USP12: variants seen among roughly 807,000 people sequenced by gnomAD.
USP12 encodes ubiquitin carboxyl-terminal hydrolase 12.
A neutral mutation model predicts 45.5 loss-of-function variants in USP12; 19 were observed. The ratio of observed to expected loss-of-function variants is 0.42; its 90% CI spans 0.29 to 0.61. USP12 has a LOEUF of 0.61. Among genes scored for constraint, USP12 ranks in the 20% least tolerant of loss-of-function variants. The pLI is 0.22. For synonymous variants in USP12, 149 were observed against 148.8 expected (o/e 1.00, Z -0.01); for missense variants, 242 against 447.7 (o/e 0.54, Z 4.15).
chr13:27,116,294 A>G (rs1211141290), intron 2 of USP12, among the ~76,000 whole-genome samples: 2 of 146,132 alleles, frequency 1.4e-5, no homozygotes, highest in African/African-American at 2.6e-5. Context: ...CCTGGGCGAC[A>G]GAGCAAGACG....
chr13:27,155,769 T>C (rs1371732280), intron 1 of USP12, among the ~76,000 whole-genome samples: 1 of 152,238 alleles, frequency 6.6e-6, no homozygotes, highest in Non-Finnish European at 1.5e-5. Flanking sequence ...TAGAACTTCA[T>C]GTGCTCATTC....
At chr13:27,151,236 C>A (rs1367454530) in intron 1 of USP12, among the ~76,000 whole-genome samples, 1 of 151,868 alleles carries the variant, frequency 6.6e-6, no homozygotes, top group East Asian at 1.9e-4. Flanking sequence ...GAGTCTGAGG[C>A]ACAAGAATCA....
chr13:27,161,870 AG>A (rs1878122233), intron 1 of USP12, among the ~76,000 whole-genome samples: 1 of 148,118 alleles, frequency 6.8e-6, no homozygotes, highest in Non-Finnish European at 1.5e-5. Context: ...CAACAGAGCA[AG>A]GCTCTGTCTC....
rs2137797604 is a variant in USP12 at position 27,116,553 on chromosome 13, T to C, written c.92A>G (p.Gln31Arg). 6.2e-7 allele frequency: 1 copy of C among 1,613,268 alleles called. No homozygotes were observed. Among genetic ancestry groups the C allele is most frequent in the Non-Finnish European group, 8.5e-7 (1 of 1,179,900 alleles). Residue 31 changes from glutamine to arginine, a missense_variant, in exon 2 of 9, where the codon CAG becomes CGG. Gln to Arg is a conservative substitution (Grantham distance 43). Coordinates refer to ENST00000282344, the MANE Select transcript of USP12 (RefSeq NM_182488.4). ...AAAATAGTGCTCATTGACCGGAAAC[T>C]GTTCTGGACCAATCTCTTTCTCTAA... ...SALEKEIGPE[Q>R]FPVNEHYFGL...
intron 1 of USP12, among the ~76,000 whole-genome samples, chr13:27,157,882 T>C (rs993977348): frequency 6.6e-6 from 1 of 152,184 alleles, no homozygotes; most frequent in African/African-American, 2.4e-5. Flanking sequence ...TACATTATTA[T>C]ACACAAAGCT....
chr13:27,149,188 A>G (rs1401830574), intron 1 of USP12, among the ~76,000 whole-genome samples: 1 of 152,124 alleles, frequency 6.6e-6, no homozygotes, highest in Non-Finnish European at 1.5e-5. Flanking sequence ...GTCTTAACAA[A>G]AGAAAAGATT....
intron 1 of USP12, chr13:27,169,997 C>A: frequency 4.2e-6 from 1 of 238,026 alleles, no homozygotes; most frequent in Non-Finnish European, 8.0e-6. Context: ...AGCCATGTGG[C>A]AAAATTGTCA....
chr13:27,111,391 A>G (rs1163043794), intron 2 of USP12, among the ~76,000 whole-genome samples: 1 of 152,198 alleles, frequency 6.6e-6, no homozygotes, highest in Admixed American at 6.5e-5. Flanking sequence ...TCAATTTCTT[A>G]AAAAACAAAA....
chr13:27,142,489 G>C (rs1877109277), intron 1 of USP12, among the ~76,000 whole-genome samples: 1 of 152,164 alleles, frequency 6.6e-6, no homozygotes, highest in African/African-American at 2.4e-5. Flanking sequence ...TTATGAAAGA[G>C]AATGTCCCTG....
At chr13:27,072,268 G>T (rs1873279209) in intron 7 of USP12, among the ~76,000 whole-genome samples, 1 of 152,020 alleles carries the variant, frequency 6.6e-6, no homozygotes, top group South Asian at 2.1e-4. Flanking sequence ...GTGAAATAAA[G>T]AAAAATCAAA....
rs189897259 is a variant in USP12 at position 27,158,163 on chromosome 13, G to C, written c.48+13429C>G. The stretch of plus-strand genomic sequence containing the variant: ...AGTCATTAGGGTGGACCCTAATCCA[G>C]TGTGACTGGTGTCTGTGTAGAAAGG... On this transcript the variant is annotated intron_variant, in intron 1 of 8. Transcript: ENST00000282344. 1.5e-3 allele frequency among the ~76,000 whole-genome samples: 230 copies of C among 152,284 alleles called. 2 individuals are homozygous for C. In the East Asian group the frequency reaches 0.026, roughly 17 times the overall value.
intron 2 of USP12, 50 bp from the exon 3 acceptor site, chr13:27,105,994 AAG>A (rs1481750635): frequency 6.7e-7 from 1 of 1,493,720 alleles, no homozygotes; most frequent in Admixed American, 2.1e-5. Context: ...ACACATTTTC[AAG>A]AGAGAAATTC....
At chr13:27,156,894 C>G (rs1258928564) in intron 1 of USP12, among the ~76,000 whole-genome samples, 1 of 152,200 alleles carries the variant, frequency 6.6e-6, no homozygotes, top group East Asian at 1.9e-4. Flanking sequence ...TCTACACCTA[C>G]ATTAGTAACA....
chr13:27,093,272 C>T (rs1355483324), intron 4 of USP12, among the ~76,000 whole-genome samples: 1 of 150,416 alleles, frequency 6.6e-6, no homozygotes, highest in Non-Finnish European at 1.5e-5. Flanking sequence ...TTGCCAAAGA[C>T]CCACCTGATT....
chr13:27,140,767 T>C (rs926273212), intron 1 of USP12, among the ~76,000 whole-genome samples: 1 of 152,198 alleles, frequency 6.6e-6, no homozygotes, highest in Non-Finnish European at 1.5e-5. Context: ...AATTCCAGTT[T>C]TTCAAATTGC....
At chr13:27,132,969 A>G (rs1034216139) in intron 1 of USP12, among the ~76,000 whole-genome samples, 3 of 152,224 alleles carry the variant, frequency 2.0e-5, no homozygotes, top group Non-Finnish European at 4.4e-5. Flanking sequence ...TGATGGCAAC[A>G]CAGCCATGCT....
At chr13:27,138,440 C>A (rs569257845) in intron 1 of USP12, among the ~76,000 whole-genome samples, 2 of 152,220 alleles carry the variant, frequency 1.3e-5, no homozygotes, top group East Asian at 3.9e-4. Context: ...ATGGTGTATC[C>A]CCTGTATCGC....
rs553688573 is a variant in USP12, at chr13:27,109,556, C to T, written c.130-3612G>A. ...AAAAGGTTGAAAAGGACTCAAGAGA[C>T]ACAACAATCAAATTGCAAATGTAAA... On this transcript the variant is annotated intron_variant, in intron 2 of 8. Transcript: ENST00000282344. Among the ~76,000 whole-genome samples the T allele has an allele frequency of 2.6e-5, 4 of 152,230 alleles. No homozygotes were observed. In the South Asian group the frequency reaches 6.2e-4, roughly 24 times the overall value.
chr13:27,119,404 T>C (rs1875882472), intron 1 of USP12, among the ~76,000 whole-genome samples: 1 of 151,702 alleles, frequency 6.6e-6, no homozygotes, highest in Admixed American at 6.6e-5. Context: ...CCAAGAGGAG[T>C]AAGGTGGAAA....
Sources: gnomAD v4.1 joint callset for allele counts (sites outside exome capture counted in the v4.1 genomes callset) on GRCh38, gnomAD v4.1.1 for gene constraint, MANE v1.5 for transcripts, NCBI Gene and HGNC (gene_info 2026-07-23, HGNC 2026-07-21) for gene names.